The following TAS2R1 variants were observed in gnomAD, a reference collection of about 807,000 sequenced individuals.
The protein encoded by TAS2R1 is taste receptor type 2 member 1.
For synonymous variants in TAS2R1, 141 were observed against 134.2 expected, an observed-to-expected ratio of 1.05 and a Z score of -0.35; for missense variants, 370 against 353.4, an observed-to-expected ratio of 1.05 and a Z score of -0.38.
At chr5:9,691,304 G>A (rs6863949) in intron 1 of TAS2R1, among the ~76,000 whole-genome samples, 2,312 of 152,344 alleles carry the variant, frequency 0.015, 58 homozygotes, top group African/African-American at 0.053. Flanking sequence ...CCCAGAAGCC[G>A]GAAGAGGCAA....
At chr5:9,718,238 G>A in the TAS2R1 span, among the ~76,000 whole-genome samples, 1 of 151,746 alleles carries the variant, frequency 6.6e-6, no homozygotes, top group Non-Finnish European at 1.5e-5. Flanking sequence ...CAAAGTGTTG[G>A]GATTACAGGC....
chr5:9,655,738 C>T (rs1740403971), intron 2 of TAS2R1, among the ~76,000 whole-genome samples: 1 of 151,940 alleles, frequency 6.6e-6, no homozygotes, highest in African/African-American at 2.4e-5. Context: ...AGAAAAAACA[C>T]ACACTCAATA....
chr5:9,699,504 C>T (rs1249939029), intron 1 of TAS2R1, among the ~76,000 whole-genome samples: 1 of 152,148 alleles, frequency 6.6e-6, no homozygotes, highest in Admixed American at 6.5e-5. Context: ...AGATTCACAT[C>T]AAAAGCCAAA....
At chr5:9,784,555 C>T in the TAS2R1 span, among the ~76,000 whole-genome samples, 1 of 152,336 alleles carries the variant, frequency 6.6e-6, no homozygotes, top group African/African-American at 2.4e-5. Context: ...GAAAAGGTCT[C>T]ATCGTCAAAC....
At chr5:9,845,374 G>A in the TAS2R1 span, among the ~76,000 whole-genome samples, 84 of 152,260 alleles carry the variant, frequency 5.5e-4, no homozygotes, top group African/African-American at 1.9e-3. Context: ...TATCTCCCCC[G>A]TAGAATCTAG....
At chr5:9,792,259 A>G in the TAS2R1 span, among the ~76,000 whole-genome samples, 389 of 152,362 alleles carry the variant, frequency 2.6e-3, 2 homozygotes, top group African/African-American at 9.0e-3. Flanking sequence ...ATGTAAATGC[A>G]TGAACATTCA....
the TAS2R1 span, among the ~76,000 whole-genome samples, chr5:9,770,357 G>C: frequency 1.1e-4 from 16 of 152,150 alleles, no homozygotes; most frequent in Non-Finnish European, 1.5e-5. Flanking sequence ...TTCCAGTTTT[G>C]CTCCTTTTGC....
At chr5:9,661,470 C>T (rs1740530611) in intron 1 of TAS2R1, among the ~76,000 whole-genome samples, 1 of 152,068 alleles carries the variant, frequency 6.6e-6, no homozygotes, top group Admixed American at 6.6e-5. Context: ...CTGGCACCGA[C>T]TGAAAAAATG....
the TAS2R1 span, among the ~76,000 whole-genome samples, chr5:9,772,105 C>T: frequency 8.6e-5 from 13 of 151,710 alleles, no homozygotes; most frequent in African/African-American, 1.7e-4. Context: ...GTTGTTTATT[C>T]GAAGTTTTTC....
intron 1 of TAS2R1, among the ~76,000 whole-genome samples, chr5:9,708,319 C>T (rs1741664286): frequency 1.3e-5 from 2 of 152,166 alleles, no homozygotes; most frequent in Admixed American, 1.3e-4. Context: ...TGCTGTGCCG[C>T]AGAGCAGATT....
At chr5:9,762,123 C>T in the TAS2R1 span, among the ~76,000 whole-genome samples, 1 of 152,168 alleles carries the variant, frequency 6.6e-6, no homozygotes, top group Non-Finnish European at 1.5e-5. Context: ...TCCAGCCTCA[C>T]ACTGGTAATA....
the TAS2R1 span, among the ~76,000 whole-genome samples, chr5:9,807,830 C>A: frequency 6.6e-6 from 1 of 151,534 alleles, no homozygotes; most frequent in Non-Finnish European, 1.5e-5. Context: ...TTGAGTGTAA[C>A]CAAACACAAC....
chr5:9,730,815 C>T, the TAS2R1 span, among the ~76,000 whole-genome samples: 2 of 152,074 alleles, frequency 1.3e-5, no homozygotes, highest in Admixed American at 1.3e-4. Flanking sequence ...GCAGTTCCCC[C>T]ATACTGTCAT....
At chr5:9,793,783 C>T in the TAS2R1 span, among the ~76,000 whole-genome samples, 2 of 152,058 alleles carry the variant, frequency 1.3e-5, no homozygotes, top group Admixed American at 6.5e-5. Context: ...AGGGAGACAA[C>T]ATAAAACACC....
chr5:9,900,030 T>C, the TAS2R1 span, among the ~76,000 whole-genome samples: 3 of 152,216 alleles, frequency 2.0e-5, no homozygotes, highest in African/African-American at 4.8e-5. Context: ...GTGCATTCGC[T>C]TGGTCATATG....
chr5:9,676,928 T>C (rs963036269), intron 1 of TAS2R1, among the ~76,000 whole-genome samples: 1 of 152,116 alleles, frequency 6.6e-6, no homozygotes, highest in African/African-American at 2.4e-5. Flanking sequence ...GAAATATAAA[T>C]TATTCTACCA....
At chr5:9,741,214 A>T in the TAS2R1 span, among the ~76,000 whole-genome samples, 6 of 152,140 alleles carry the variant, frequency 3.9e-5, no homozygotes, top group Non-Finnish European at 5.9e-5. Context: ...TCCTTTAGAG[A>T]CTGCGACCCA....
chr5:9,692,083 C>G (rs930542265), intron 1 of TAS2R1, among the ~76,000 whole-genome samples: 1 of 152,126 alleles, frequency 6.6e-6, no homozygotes, highest in South Asian at 2.1e-4. Context: ...GTGTCCTCAT[C>G]GGGCTCCGCA....
At chr5:9,728,552 A>G in the TAS2R1 span, among the ~76,000 whole-genome samples, 1 of 152,212 alleles carries the variant, frequency 6.6e-6, no homozygotes, top group Non-Finnish European at 1.5e-5. Flanking sequence ...GTTTGCAAAA[A>G]ATGAATTTAC....
Sources: allele counts gnomAD v4.1 joint callset (sites outside exome capture counted in the v4.1 genomes callset), GRCh38; gene constraint gnomAD v4.1.1; transcripts MANE v1.5; gene names NCBI Gene and HGNC (gene_info 2026-07-23, HGNC 2026-07-21).